Variants in MAPKAPK5 observed in about 807,000 individuals in gnomAD.
MAPKAPK5 encodes MAP kinase-activated protein kinase 5.
In MAPKAPK5, 30 loss-of-function variants were observed where a neutral mutation model predicts 65.1. That is an observed-to-expected ratio of 0.46 (90% CI 0.34 to 0.63). The LOEUF is 0.63. Among genes scored for constraint, MAPKAPK5 ranks in the 20% least tolerant of loss-of-function variants. MAPKAPK5 has a pLI of 0.01. For synonymous variants in MAPKAPK5, 179 were observed against 204.6 expected (o/e 0.87, Z 1.07); for missense variants, 433 against 581.4 (o/e 0.74, Z 2.63).
Position 111,883,378 on chromosome 12 carries a change from TC to T in MAPKAPK5, c.661-202del, listed in dbSNP as rs778705401. On this transcript the variant is annotated intron_variant, in intron 8 of 13. Transcript: ENST00000550735. This position sits in a 1 kb window ranked among gnomAD's most constrained non-coding sequence, Gnocchi z 4.8. ...CTGGGCAACAGAGCAAGACTCTGTC[TC>T]AAAGAAAAAAAAAGAAAGAAAGAAA... 6.6e-6 allele frequency among the ~76,000 whole-genome samples: 1 copy of T among 151,812 alleles called. No homozygotes were observed. The highest frequency in any genetic ancestry group is 1.5e-5 in the Non-Finnish European group (1 of 67,968).
At chr12:111,863,243 G>C (rs145399905) in intron 1 of MAPKAPK5, among the ~76,000 whole-genome samples, 2 of 152,294 alleles carry the variant, frequency 1.3e-5, no homozygotes, top group African/African-American at 2.4e-5. Flanking sequence ...AAGGGAGTTT[G>C]TATAGCGATC....
At chr12:111,854,972 A>T (rs574841971) in intron 1 of MAPKAPK5, among the ~76,000 whole-genome samples, 1 of 152,266 alleles carries the variant, frequency 6.6e-6, no homozygotes, top group East Asian at 1.9e-4. Context: ...TTACAGGTCT[A>T]TTCAGGTTTT....
intron 12 of MAPKAPK5, chr12:111,889,740 G>A (rs1156782200): frequency 1.5e-5 from 4 of 258,532 alleles, no homozygotes; most frequent in Admixed American, 1.4e-4. Flanking sequence ...TTTGGTCTTT[G>A]GTTGACCAGG....
chr12:111,883,784 G>C lies in MAPKAPK5; in HGVS notation c.848+16G>C. ...TTGTGAGGAAGTGAGTTCACGGGCT[G>C]CTGGGCATGGAGGCCAAGGAGGCCT... On this transcript the variant is annotated intron_variant, in intron 9 of 13. Coordinates refer to ENST00000550735, the MANE Select transcript of MAPKAPK5 (RefSeq NM_003668.4). The surrounding 1 kb of genome is among the most constrained non-coding windows in gnomAD (Gnocchi z 4.8). The C allele has an allele frequency of 6.8e-6, 11 of 1,609,350 alleles. No homozygotes were observed. The highest frequency in any genetic ancestry group is 9.3e-6 in the Non-Finnish European group (11 of 1,177,974).
chr12:111,872,355 T>A (rs2069811893), intron 7 of MAPKAPK5, among the ~76,000 whole-genome samples: 1 of 152,196 alleles, frequency 6.6e-6, no homozygotes, highest in South Asian at 2.1e-4. Flanking sequence ...ATCACGACAT[T>A]GTCCTGATGG....
intron 1 of MAPKAPK5, among the ~76,000 whole-genome samples, chr12:111,850,375 G>A (rs12302040): frequency 0.2 from 29,744 of 152,098 alleles, 3,128 homozygotes; most frequent in Middle Eastern, 0.27. Context: ...ACGTGGGTGC[G>A]AGAGTGCTAT....
chr12:111,847,362 T>C (rs955599535), intron 1 of MAPKAPK5, among the ~76,000 whole-genome samples: 1 of 139,878 alleles, frequency 7.1e-6, no homozygotes, highest in Middle Eastern at 3.8e-3. Context: ...AAAAAAAAAA[T>C]TTAGGATAAG....
At chr12:111,875,975 G>C (rs1023459524) in intron 7 of MAPKAPK5, among the ~76,000 whole-genome samples, 1 of 152,044 alleles carries the variant, frequency 6.6e-6, no homozygotes, top group African/African-American at 2.4e-5. Flanking sequence ...GGAGGCTGAG[G>C]GGGGTGGATC....
chr12:111,845,551 C>T (rs973937017), intron 1 of MAPKAPK5, among the ~76,000 whole-genome samples: 4 of 152,056 alleles, frequency 2.6e-5, no homozygotes, highest in African/African-American at 9.7e-5. Context: ...AAAAGCACTC[C>T]CAGCTTATAG....
chr12:111,862,235 A>C (rs2069464391), intron 1 of MAPKAPK5, among the ~76,000 whole-genome samples: 5 of 152,188 alleles, frequency 3.3e-5, no homozygotes, highest in Admixed American at 2.6e-4. Flanking sequence ...TGGAAGAATT[A>C]AGCCTGGGAA....
Position 111,894,425 on chromosome 12 carries a change from T to C in MAPKAPK5, c.*1364T>C, listed in dbSNP as rs1352368725. The C allele has an allele frequency of 6.6e-6, 1 of 152,474 alleles. No individual in the cohort carries two copies. The allele number at this position is 152,474 out of a possible 1,614,324, so 9.4% of individuals were successfully genotyped here. A position where few individuals can be genotyped will look rare whatever the true frequency, so the allele number is the denominator to read the frequency against. ...TCCCTGCAGCCTTCACCAGCTCCAT[T>C]ACTCCTTATTTCTGTTCCCTGTTCC... On this transcript the variant is annotated 3_prime_UTR_variant, in exon 14 of 14. Coordinates refer to ENST00000550735, the MANE Select transcript of MAPKAPK5 (RefSeq NM_003668.4).
intron 1 of MAPKAPK5, among the ~76,000 whole-genome samples, chr12:111,858,366 T>C (rs1374831897): frequency 2.0e-5 from 3 of 152,144 alleles, no homozygotes; most frequent in Admixed American, 6.6e-5. Flanking sequence ...ACCTCCCCCA[T>C]CTTCACCCCT....
chr12:111,861,688 C>T (rs564450330), intron 1 of MAPKAPK5, among the ~76,000 whole-genome samples: 1 of 152,166 alleles, frequency 6.6e-6, no homozygotes, highest in African/African-American at 2.4e-5. Context: ...TTGTTGAGAT[C>T]CAGCAGTTTA....
chr12:111,850,860 T>G (rs571413710), intron 1 of MAPKAPK5, among the ~76,000 whole-genome samples: 1 of 152,206 alleles, frequency 6.6e-6, no homozygotes, highest in South Asian at 2.1e-4. Flanking sequence ...GCCAGTCTGT[T>G]TTTACCAAAA....
chr12:111,859,595 A>G (rs1003529088), intron 1 of MAPKAPK5, among the ~76,000 whole-genome samples: 3 of 151,232 alleles, frequency 2.0e-5, no homozygotes, highest in Admixed American at 2.0e-4. Context: ...AGCTGGGCTC[A>G]GTGTCCTACG....
chr12:111,863,219 G>T (rs545581830), intron 1 of MAPKAPK5, among the ~76,000 whole-genome samples: 1 of 152,086 alleles, frequency 6.6e-6, no homozygotes, highest in Non-Finnish European at 1.5e-5. Flanking sequence ...TAATCCTGAC[G>T]CACAGTTTTT....
chr12:111,861,586 A>G (rs774481365), intron 1 of MAPKAPK5, among the ~76,000 whole-genome samples: 1 of 152,096 alleles, frequency 6.6e-6, no homozygotes, highest in Non-Finnish European at 1.5e-5. Context: ...TCAGCCTCCC[A>G]AAGTGCTGGG....
At chr12:111,861,553 C>T (rs541529293) in intron 1 of MAPKAPK5, among the ~76,000 whole-genome samples, 1 of 152,204 alleles carries the variant, frequency 6.6e-6, no homozygotes, top group Non-Finnish European at 1.5e-5. Flanking sequence ...GTCTCGAACT[C>T]CTGACCTCAT....
chr12:111,842,237 A>G lies in MAPKAPK5; in HGVS notation c.-497A>G, dbSNP rs1469373138. On this transcript the variant is annotated 5_prime_UTR_variant, in exon 1 of 14. The change abolishes an upstream ATG in the 5' untranslated region. Transcript: ENST00000550735. The stretch of plus-strand genomic sequence containing the variant: ...GCTGCCCGGCGCGGGTGTCCCGGCG[A>G]TGTGTGGCGCTGAGGCGGCGGCGGG... 1 of 152,810 alleles carries G rather than the reference A, an allele frequency of 6.5e-6. No homozygotes were observed. Among genetic ancestry groups the G allele is most frequent in the Non-Finnish European group, 1.5e-5 (1 of 68,600 alleles). The allele number at this position is 152,810 out of a possible 1,614,324, so 9.5% of individuals were successfully genotyped here. A position where few individuals can be genotyped will look rare whatever the true frequency, so the allele number is the denominator to read the frequency against.
Sources: allele counts gnomAD v4.1 joint callset (sites outside exome capture counted in the v4.1 genomes callset), GRCh38; gene constraint gnomAD v4.1.1; non-coding constraint Gnocchi (gnomAD v3.1); transcripts MANE v1.5; gene names NCBI Gene and HGNC (gene_info 2026-07-23, HGNC 2026-07-21).